PAK3: variants seen among roughly 807,000 people sequenced by gnomAD.
The protein encoded by PAK3 is serine/threonine-protein kinase PAK 3.
PAK3 carries 4 observed loss-of-function variants against 41.0 expected under a neutral mutation model. The observed-to-expected ratio is 0.10, with a 90% confidence interval of 0.05 to 0.22. The LOEUF (loss-of-function observed/expected upper bound fraction) is 0.22. PAK3 is among the 10% of genes least tolerant of loss of function. PAK3 has a pLI of 1.00. For synonymous variants in PAK3, 146 were observed against 139.6 expected (o/e 1.05, Z -0.32); for missense variants, 205 against 409.9 (o/e 0.50, Z 4.32).
intron 5 of PAK3, among the ~76,000 whole-genome samples, chrX:111,133,266 A>G (rs1412806929): frequency 4.5e-5 from 5 of 110,389 alleles, no homozygotes; most frequent in African/African-American, 1.7e-4. Flanking sequence ...CCTACTTCCA[A>G]CCTTTTACCT....
chrX:110,991,222 T>C (rs1192850834), intron 1 of PAK3, among the ~76,000 whole-genome samples: 1 of 112,026 alleles, frequency 8.9e-6, no homozygotes, highest in Non-Finnish European at 1.9e-5. Context: ...GAGGGCCTAA[T>C]ACTATAAAAT....
At chrX:111,102,984 A>G (rs1303662386) in intron 3 of PAK3, among the ~76,000 whole-genome samples, 175 bp from the exon 4 acceptor site, 1 of 109,511 alleles carries the variant, frequency 9.1e-6, no homozygotes, top group Non-Finnish European at 1.9e-5. Flanking sequence ...GAAATTCACC[A>G]GAGAGATTGA....
upstream of PAK3, among the ~76,000 whole-genome samples, chrX:111,094,141 C>T (rs1206272022): frequency 9.1e-6 from 1 of 109,723 alleles, no homozygotes; most frequent in Non-Finnish European, 1.9e-5. Flanking sequence ...GGAGTCAGAA[C>T]CATCCTGATT....
intron 1 of PAK3, among the ~76,000 whole-genome samples, chrX:111,031,690 A>G (rs1040663164): frequency 1.8e-5 from 2 of 111,748 alleles, no homozygotes; most frequent in African/African-American, 3.3e-5. Context: ...TTACTATCGC[A>G]ACCTCATTTT....
intron 1 of PAK3, among the ~76,000 whole-genome samples, chrX:111,007,246 T>C (rs2091946237): frequency 9.0e-6 from 1 of 111,182 alleles, no homozygotes; most frequent in East Asian, 2.8e-4. Flanking sequence ...CCGTGAGGGA[T>C]TCAGAAAGTC....
intron 4 of PAK3, among the ~76,000 whole-genome samples, chrX:111,122,643 A>G (rs912377214): frequency 9.0e-6 from 1 of 111,607 alleles, no homozygotes; most frequent in Non-Finnish European, 1.9e-5. Flanking sequence ...CTAACAAGTC[A>G]TTGTTATGGG....
chrX:111,079,593 T>C (rs952277729), intron 1 of PAK3, among the ~76,000 whole-genome samples: 4 of 112,298 alleles, frequency 3.6e-5, no homozygotes, highest in Non-Finnish European at 7.5e-5. Flanking sequence ...TAATGTTGTT[T>C]TCATGCCTGC....
intron 1 of PAK3, among the ~76,000 whole-genome samples, chrX:110,983,364 T>C (rs1466421668): frequency 1.8e-5 from 2 of 110,231 alleles, no homozygotes; most frequent in Admixed American, 9.7e-5. Flanking sequence ...TGCCTGGTAG[T>C]GGAAGATGGA....
At chrX:111,215,139 T>TGA (rs2094864132) in intron 16 of PAK3, among the ~76,000 whole-genome samples, 1 of 111,997 alleles carries the variant, frequency 8.9e-6, no homozygotes, top group African/African-American at 3.2e-5. Flanking sequence ...TGCGTGATCC[T>TGA]TCAAAGCAAG....
chrX:111,177,889 C>A (rs1049905548), intron 11 of PAK3, among the ~76,000 whole-genome samples: 2 of 111,622 alleles, frequency 1.8e-5, no homozygotes, highest in African/African-American at 6.5e-5. Flanking sequence ...GAAAAACAGG[C>A]CTTTTTTTCT....
chrX:111,214,667 A>G (rs146206714), intron 16 of PAK3, among the ~76,000 whole-genome samples: 4,872 of 111,195 alleles, frequency 0.044, 281 homozygotes, highest in African/African-American at 0.15. Context: ...GATGCATGCT[A>G]TAAAGTTGAC....
intron 1 of PAK3, among the ~76,000 whole-genome samples, chrX:111,085,377 C>T (rs985318347): frequency 2.4e-4 from 27 of 112,057 alleles, no homozygotes; most frequent in Admixed American, 2.2e-3. Flanking sequence ...TGCTCTGAGG[C>T]AGGGACTAGC....
chrX:111,155,610 G>A (rs1447992077), intron 8 of PAK3, among the ~76,000 whole-genome samples: 1 of 111,148 alleles, frequency 9.0e-6, no homozygotes, highest in Admixed American at 9.5e-5. Context: ...GGAGGGAAAG[G>A]GAAGCAGGCC....
intron 1 of PAK3, among the ~76,000 whole-genome samples, chrX:110,967,523 G>A (rs977734932): frequency 4.5e-5 from 5 of 111,277 alleles, no homozygotes; most frequent in African/African-American, 1.3e-4. Flanking sequence ...GAAAGAGAAC[G>A]ATTCCCATGG....
At chrX:111,134,020 T>C (rs2093754123) in intron 5 of PAK3, among the ~76,000 whole-genome samples, 1 of 111,883 alleles carries the variant, frequency 8.9e-6, no homozygotes, top group South Asian at 3.8e-4. Flanking sequence ...ATCCAGTGAA[T>C]AGGCCCAACA....
At chrX:111,148,024 C>A in intron 7 of PAK3, 134 bp downstream of exon 7, 5 of 504,616 alleles carry the variant, frequency 9.9e-6, no homozygotes, top group Admixed American at 3.6e-5. Context: ...CATAAGGAAA[C>A]CAAAAAATGA....
chrX:111,011,964 T>C (rs1325327522), intron 1 of PAK3, among the ~76,000 whole-genome samples: 1 of 112,210 alleles, frequency 8.9e-6, no homozygotes, highest in Non-Finnish European at 1.9e-5. Flanking sequence ...CCAGGATTTA[T>C]TAAACTGTAC....
intron 7 of PAK3, among the ~76,000 whole-genome samples, chrX:111,148,476 C>A (rs961683205): frequency 3.6e-5 from 4 of 111,636 alleles, no homozygotes; most frequent in Non-Finnish European, 7.5e-5. Context: ...GCACTATAAG[C>A]AACTGTATTA....
chrX:111,074,241 A>G (rs2092767119), intron 1 of PAK3, among the ~76,000 whole-genome samples: 1 of 111,803 alleles, frequency 8.9e-6, no homozygotes, highest in South Asian at 3.8e-4. Flanking sequence ...TCATGTTGAA[A>G]TATGATTCCC....
Sources: allele counts gnomAD v4.1 joint callset (sites outside exome capture counted in the v4.1 genomes callset), GRCh38; gene constraint gnomAD v4.1.1; transcripts MANE v1.5; gene names NCBI Gene and HGNC (gene_info 2026-07-23, HGNC 2026-07-21).